Variants in TLR5 observed in about 807,000 individuals in gnomAD.
TLR5 encodes the protein toll-like receptor 5.
For synonymous variants in TLR5, 373 were observed against 384.4 expected, an observed-to-expected ratio of 0.97 and a Z score of 0.35; for missense variants, 944 against 999.8, an observed-to-expected ratio of 0.94 and a Z score of 0.75.
chr1:223,138,392 A>G (rs1307982657), intron 2 of TLR5, among the ~76,000 whole-genome samples: 1 of 151,352 alleles, frequency 6.6e-6, no homozygotes, highest in Non-Finnish European at 1.5e-5. Context: ...CTATCTTTCT[A>G]TCATTCTATT....
chr1:223,112,752 G>A lies in TLR5; in HGVS notation c.280C>T (p.Leu94=). The A allele has an allele frequency of 6.2e-7, 1 of 1,614,114 alleles. No homozygotes were observed. Among genetic ancestry groups the A allele is most frequent in the East Asian group, 2.2e-5 (1 of 44,878 alleles). ...LTIDKEAFRN[L]PNLRILDLGS... is the part of the protein sequence containing the mutation. Reference sequence around the variant, plus strand: ...AGGTCCAAGATTCTAAGGTTGGGCAGGTTTCTGAAGGCCTCCTTGTCAATA... The same window carrying A: ...AGGTCCAAGATTCTAAGGTTGGGCAAGTTTCTGAAGGCCTCCTTGTCAATA... Residue 94 remains leucine (L), a synonymous_variant, in exon 6 of 6, where the codon CTG becomes TTG. Transcript: ENST00000642603.
At chr1:223,113,142 A>G in intron 5 of TLR5, 107 bp from the exon 6 acceptor site, 1 of 1,067,126 alleles carries the variant, frequency 9.4e-7, no homozygotes, top group Non-Finnish European at 1.4e-6. Context: ...GCTCCCTTTG[A>G]CCCCTTCATT....
At chr1:223,116,364 T>G (rs567117432) in intron 5 of TLR5, among the ~76,000 whole-genome samples, 1 of 152,258 alleles carries the variant, frequency 6.6e-6, no homozygotes, top group African/African-American at 2.4e-5. Flanking sequence ...ACCTTCACGG[T>G]GAGTGTTACA....
intron 5 of TLR5, among the ~76,000 whole-genome samples, chr1:223,121,053 A>G (rs149471725): frequency 6.8e-4 from 103 of 152,340 alleles, no homozygotes; most frequent in African/African-American, 2.4e-3. Context: ...ACTGCACTCC[A>G]GCCTGGGCGA....
At position 223,113,184 on chromosome 1, in the gene TLR5, A is replaced by T. The variant is rs554146094; in HGVS notation, c.-4-149T>A. 119 of 781,224 alleles carry T rather than the reference A, an allele frequency of 1.5e-4. 1 individual carries two copies. The highest frequency in any genetic ancestry group is 1.4e-3 in the African/African-American group (79 of 58,334). 48.4% of individuals were successfully genotyped at this position (781,224 alleles called of 1,614,324 possible). A position where few individuals can be genotyped will look rare whatever the true frequency, so the allele number is the denominator to read the frequency against. On this transcript the variant is annotated intron_variant, in intron 5 of 5. Coordinates refer to ENST00000642603, the MANE Select transcript of TLR5 (RefSeq NM_003268.6). ...ACTCCACAGACGTGGCTGTTGGCAG[A>T]TACAGACAAAACTATTCTTACTCTA...
At chr1:223,113,715 C>T (rs1222212586) in intron 5 of TLR5, among the ~76,000 whole-genome samples, 1 of 152,204 alleles carries the variant, frequency 6.6e-6, no homozygotes, top group Non-Finnish European at 1.5e-5. Context: ...CTACCTTGGC[C>T]TCCCAACATG....
At chr1:223,119,565 T>C (rs1656836205) in intron 5 of TLR5, among the ~76,000 whole-genome samples, 1 of 152,104 alleles carries the variant, frequency 6.6e-6, no homozygotes, top group Non-Finnish European at 1.5e-5. Flanking sequence ...ACACGCCTCA[T>C]TATACCCTCC....
rs1253082483 is a variant in TLR5 at position 223,111,369 on chromosome 1, T to C, written c.1663A>G (p.Ile555Val). The C allele has an allele frequency of 2.5e-6, 4 of 1,614,194 alleles. No homozygotes were observed. The highest frequency in any genetic ancestry group is 1.1e-5 in the South Asian group (1 of 91,084). ...GGAGCTAGGAGCTGGTTCCTGGATA[T>C]GTCCAGGATCTCTAAATTAGCAGGT... is the stretch of plus-strand genomic sequence containing the variant. ...DLPANLEILD[I>V]SRNQLLAPNP... Residue 555 changes from isoleucine (I) to valine (V), a missense_variant, in exon 6 of 6, where the codon ATA (isoleucine) becomes GTA (valine). Transcript: ENST00000642603.
Position 223,110,538 on chromosome 1 carries a change from G to A in TLR5, c.2494C>T (p.Leu832Phe). The A allele has an allele frequency of 6.2e-7, 1 of 1,614,120 alleles. No individual in the cohort carries two copies. The highest frequency in any genetic ancestry group is 8.5e-7 in the Non-Finnish European group (1 of 1,180,010). ...TCTTTCTTTAGTATCTGTTGAGAGAGTTTATGAAGAAACCAGCCAACATCC... is the reference window on the plus strand; with the variant it reads ...TCTTTCTTTAGTATCTGTTGAGAGAATTTATGAAGAAACCAGCCAACATCC... Reference protein sequence around the residue: ...LQDVGWFLHKLSQQILKKEKE... With the variant: ...LQDVGWFLHKFSQQILKKEKE... The change falls in exon 6 of 6, where the codon CTC becomes TTC. Residue 832 changes from leucine (L) to phenylalanine (F), a missense_variant. Physicochemically the swap from Leu to Phe is conservative, Grantham distance 22. Coordinates refer to ENST00000642603, the MANE Select transcript of TLR5 (RefSeq NM_003268.6).
At chr1:223,126,219 A>C (rs1657159558) in intron 5 of TLR5, among the ~76,000 whole-genome samples, 1 of 152,270 alleles carries the variant, frequency 6.6e-6, no homozygotes, top group African/African-American at 2.4e-5. Context: ...ATGAACTTTG[A>C]AGACATTATG....
In TLR5 at chr1:223,122,545, A is replaced by G. The variant is rs188526016; in HGVS notation, c.-4-9510T>C. On this transcript the variant is annotated intron_variant, in intron 5 of 5. Transcript: ENST00000642603. ...GAAAATAAATGGTAATGGAAAGACC[A>G]TATTTGTATTGGGTTCCACATAACC... 1.5e-3 allele frequency among the ~76,000 whole-genome samples: 232 copies of G among 152,314 alleles called. 1 individual carries two copies. Among genetic ancestry groups the G allele is most frequent in the Non-Finnish European group, 2.8e-3 (189 of 68,030 alleles).
chr1:223,116,756 A>AGAT (rs960069018), intron 5 of TLR5, among the ~76,000 whole-genome samples: 1 of 152,170 alleles, frequency 6.6e-6, no homozygotes, highest in Admixed American at 6.5e-5. Context: ...CATTTACAAT[A>AGAT]GATTAGCTAG....
chr1:223,138,093 G>A (rs1571768575), intron 2 of TLR5, among the ~76,000 whole-genome samples: 1 of 150,330 alleles, frequency 6.7e-6, no homozygotes, highest in South Asian at 2.1e-4. Flanking sequence ...GGAGTAGCTG[G>A]GGCTATAGGC....
At chr1:223,124,903 C>T (rs1657107026) in intron 5 of TLR5, among the ~76,000 whole-genome samples, 1 of 152,196 alleles carries the variant, frequency 6.6e-6, no homozygotes, top group African/African-American at 2.4e-5. Context: ...CGCACTCCGC[C>T]AGTGAGTTAT....
Position 223,111,446 on chromosome 1 carries a change from C to T in TLR5, c.1586G>A (p.Arg529Lys). ...PGVFSHLTAL[R>K]GLSLNSNRLT... The stretch of plus-strand genomic sequence containing the variant: ...CCTGTTGGAGTTGAGGCTTAGTCCC[C>T]TTAATGCAGTCAGATGGCTAAATAC... The change falls in exon 6 of 6, where the codon AGG becomes AAG. Residue 529 changes from arginine to lysine, a missense_variant. Transcript: ENST00000642603. 1 of 1,614,148 alleles carries T rather than the reference C, an allele frequency of 6.2e-7. No homozygotes were observed. Among genetic ancestry groups the T allele is most frequent in the Non-Finnish European group, 8.5e-7 (1 of 1,180,018 alleles).
intron 5 of TLR5, 116 bp from the exon 6 acceptor site, chr1:223,113,151 T>G: frequency 2.1e-6 from 2 of 951,934 alleles, no homozygotes; most frequent in South Asian, 1.4e-5. Context: ...GACCCCTTCA[T>G]TCCTCTGACT....
chr1:223,116,565 A>T (rs758008921), intron 5 of TLR5, among the ~76,000 whole-genome samples: 1 of 152,268 alleles, frequency 6.6e-6, no homozygotes, highest in East Asian at 1.9e-4. Flanking sequence ...GAGCAAAAGA[A>T]CAAACCTTCC....
intron 5 of TLR5, chr1:223,129,147 C>T (rs1364862100): frequency 1.3e-5 from 2 of 152,434 alleles, no homozygotes; most frequent in African/African-American, 4.8e-5. Context: ...TTCAAACCCT[C>T]TTTCGACACC....
chr1:223,140,281 T>C (rs763280604), intron 2 of TLR5, among the ~76,000 whole-genome samples: 5 of 152,156 alleles, frequency 3.3e-5, no homozygotes, highest in Non-Finnish European at 5.9e-5. Flanking sequence ...GTGTGGTGGC[T>C]CACGCCTGTA....
Sources: gnomAD v4.1 joint callset for allele counts (sites outside exome capture counted in the v4.1 genomes callset) on GRCh38, gnomAD v4.1.1 for gene constraint, MANE v1.5 for transcripts, NCBI Gene and HGNC (gene_info 2026-07-23, HGNC 2026-07-21) for gene names.